Variants in PIK3C2B observed in about 807,000 individuals in gnomAD.
PIK3C2B encodes phosphatidylinositol 4-phosphate 3-kinase C2 domain-containing subunit beta.
Under a neutral mutation model 184.3 loss-of-function variants are expected in PIK3C2B, and 83 were observed. That is an observed-to-expected ratio of 0.45 (90% CI 0.38 to 0.54). The LOEUF (loss-of-function observed/expected upper bound fraction) is 0.54. Among genes scored for constraint, PIK3C2B ranks in the 20% least tolerant of loss-of-function variants. The pLI is 0.00. For synonymous variants in PIK3C2B, 779 were observed against 837.6 expected, an observed-to-expected ratio of 0.93 and a Z score of 1.21; for missense variants, 1,736 against 2,113.5, an observed-to-expected ratio of 0.82 and a Z score of 3.50.
Position 204,464,905 on chromosome 1 carries a change from C to T in PIK3C2B, c.1035-301G>A, listed in dbSNP as rs560781964. Among the ~76,000 whole-genome samples, 5 of 152,296 alleles carry T rather than the reference C, an allele frequency of 3.3e-5. No individual in the cohort carries two copies. In the South Asian group the frequency reaches 1.0e-3, roughly 32 times the overall value. On this transcript the variant is annotated intron_variant, in intron 3 of 32. Coordinates refer to ENST00000684373, the MANE Select transcript of PIK3C2B (RefSeq NM_001377334.1). The stretch of plus-strand genomic sequence containing the variant: ...TTTTTTATGAATCCATTTCCTTTCT[C>T]TTTTAGTTCCAGATAACACTCTTAT...
At chr1:204,465,692 C>G (rs999956022) in intron 2 of PIK3C2B, among the ~76,000 whole-genome samples, 16 of 152,206 alleles carry the variant, frequency 1.1e-4, no homozygotes, top group Non-Finnish European at 2.2e-4. Context: ...GCAGAGCAGA[C>G]AGCTGTTTTT....
chr1:204,435,039 A>G lies in PIK3C2B; in HGVS notation c.3517-431T>C, dbSNP rs184351771. On this transcript the variant is annotated intron_variant, in intron 23 of 32. Coordinates refer to ENST00000684373, the MANE Select transcript of PIK3C2B (RefSeq NM_001377334.1). ...AGCCACTGAGGAAGCCAACTTAAGA[A>G]TCTCTTCCTGACCCTGCTCAGAATT... Among the ~76,000 whole-genome samples, 191 of 152,290 alleles carry G rather than the reference A, an allele frequency of 1.3e-3. 2 individuals carry two copies. The highest frequency in any genetic ancestry group is 1.9e-3 in the Admixed American group (29 of 15,302).
At chr1:204,440,933 T>C (rs1675624848) in intron 21 of PIK3C2B, among the ~76,000 whole-genome samples, 1 of 152,170 alleles carries the variant, frequency 6.6e-6, no homozygotes, top group Non-Finnish European at 1.5e-5. Flanking sequence ...TTTTTAAACT[T>C]GAACGTTTAG....
chr1:204,453,208 C>T (rs1654520865), intron 12 of PIK3C2B, among the ~76,000 whole-genome samples: 1 of 152,080 alleles, frequency 6.6e-6, no homozygotes, highest in Admixed American at 6.5e-5. Context: ...GAAGCAAAGC[C>T]GGGGGCAGCA....
intron 1 of PIK3C2B, 128 bp from the exon 2 acceptor site, chr1:204,470,014 G>C (rs1247044442): frequency 1.7e-6 from 1 of 574,222 alleles, no homozygotes; most frequent in East Asian, 3.0e-5. Context: ...CTAATGGAAT[G>C]TACAGGAAGA....
chr1:204,444,222 C>T (rs1653650456), intron 17 of PIK3C2B, 60 bp from the exon 18 acceptor site: 1 of 1,431,350 alleles, frequency 7.0e-7, no homozygotes, highest in Non-Finnish European at 9.9e-7. Flanking sequence ...GTAACCTACA[C>T]TTATTATTAT....
intron 1 of PIK3C2B, among the ~76,000 whole-genome samples, chr1:204,472,428 T>G (rs929840962): frequency 2.0e-5 from 3 of 151,574 alleles, no homozygotes; most frequent in Admixed American, 6.6e-5. Context: ...CTCCCAAAGT[T>G]CTGGGATTAC....
intron 1 of PIK3C2B, among the ~76,000 whole-genome samples, chr1:204,492,267 C>A (rs1466601768): frequency 6.6e-6 from 1 of 152,174 alleles, no homozygotes; most frequent in Admixed American, 6.5e-5. Flanking sequence ...GGCTACTCCC[C>A]CACCTCCATT....
In PIK3C2B at chr1:204,439,241, C is replaced by T. The variant is rs553499674; in HGVS notation, c.3380-170G>A. On this transcript the variant is annotated intron_variant, in intron 22 of 32. Transcript: ENST00000684373. ...ACCATAGAAAGGAAGGTCATTCCCA[C>T]ATTTCCTATTCCATACTGTGACTTT... 9.0e-4 allele frequency among the ~76,000 whole-genome samples: 137 copies of T among 152,322 alleles called. 1 individual carries two copies. Among genetic ancestry groups the T allele is most frequent in the African/African-American group, 3.1e-3 (127 of 41,574 alleles).
chr1:204,436,731 A>G (rs1156491656), intron 23 of PIK3C2B, among the ~76,000 whole-genome samples: 1 of 152,202 alleles, frequency 6.6e-6, no homozygotes, highest in East Asian at 1.9e-4. Context: ...CCATACATTT[A>G]CACATATATG....
At chr1:204,483,468 TC>T (rs1438956547) in intron 1 of PIK3C2B, among the ~76,000 whole-genome samples, 7 of 124,590 alleles carry the variant, frequency 5.6e-5, no homozygotes, top group Admixed American at 4.3e-4. Context: ...TCTCAGTGTC[TC>T]CTTAATACCC....
intron 2 of PIK3C2B, among the ~76,000 whole-genome samples, chr1:204,466,182 G>T (rs962274500): frequency 6.6e-6 from 1 of 152,204 alleles, no homozygotes; most frequent in Non-Finnish European, 1.5e-5. Flanking sequence ...GTGCATGACA[G>T]GTTTCTGCCT....
intron 1 of PIK3C2B, among the ~76,000 whole-genome samples, chr1:204,493,919 C>G (rs1011003081): frequency 3.3e-5 from 5 of 152,216 alleles, no homozygotes; most frequent in African/African-American, 1.2e-4. Flanking sequence ...ATTCCCCAGG[C>G]TAGATGCCGA....
intron 1 of PIK3C2B, chr1:204,490,498 T>A (rs776304645): frequency 3.3e-5 from 5 of 152,266 alleles, no homozygotes; most frequent in Non-Finnish European, 5.9e-5. Context: ...TCACGGGTCA[T>A]GTTGTGATCT....
chr1:204,465,320 C>CT lies in PIK3C2B; in HGVS notation c.934-2dup, dbSNP rs772787137. The CT allele has an allele frequency of 6.2e-7, 1 of 1,604,556 alleles. No individual in the cohort carries two copies. The highest frequency in any genetic ancestry group is 8.5e-7 in the Non-Finnish European group (1 of 1,171,216). ...CAACAGTGTGGGGCCGGGAGCCCAC[C>CT]TTTAAGAGAAGAGCAGACGACTCAG... On this transcript the variant is annotated splice_acceptor_variant, in intron 2 of 32. Transcript: ENST00000684373. LOFTEE classifies it high-confidence loss of function.
At position 204,464,435 on chromosome 1, in the gene PIK3C2B, C is replaced by A; in HGVS notation, c.1189+15G>T. The A allele has an allele frequency of 6.2e-7, 1 of 1,609,770 alleles. No homozygotes were observed. Among genetic ancestry groups the A allele is most frequent in the Non-Finnish European group, 8.5e-7 (1 of 1,177,024 alleles). On this transcript the variant is annotated intron_variant, in intron 4 of 32. Transcript: ENST00000684373. ...TCAAGGGATGCTCACATCCTCTCCC[C>A]CCTCACTAACTTACAGTTGCAGGTG...
At chr1:204,434,371 C>A in intron 24 of PIK3C2B, 68 bp downstream of exon 24, 2 of 1,423,474 alleles carry the variant, frequency 1.4e-6, no homozygotes, top group East Asian at 2.3e-5. Context: ...GCTTGTGTCC[C>A]AGCTCTGAAC....
intron 1 of PIK3C2B, among the ~76,000 whole-genome samples, chr1:204,480,838 G>GAATACTTGTAGAGA (rs1657076075): frequency 6.6e-6 from 1 of 152,104 alleles, no homozygotes; most frequent in Non-Finnish European, 1.5e-5. Context: ...CTTGGGATAG[G>GAATACTTGTAGAGA]AAGGCTCTCC....
At chr1:204,440,636 A>C (rs1572305054) in intron 21 of PIK3C2B, among the ~76,000 whole-genome samples, 2 of 121,642 alleles carry the variant, frequency 1.6e-5, no homozygotes, top group African/African-American at 3.2e-5. Flanking sequence ...TCACTTTGTC[A>C]CCCAGGCTGG....
Sources: gnomAD v4.1 joint callset for allele counts (sites outside exome capture counted in the v4.1 genomes callset) on GRCh38, gnomAD v4.1.1 for gene constraint, MANE v1.5 for transcripts, NCBI Gene and HGNC (gene_info 2026-07-23, HGNC 2026-07-21) for gene names.